The following METAP1 variants were observed in gnomAD, a reference collection of about 807,000 sequenced individuals.
The protein encoded by METAP1 is methionyl aminopeptidase 1.
In METAP1, 28 loss-of-function variants were observed where a neutral mutation model predicts 53.8. The observed-to-expected ratio is 0.52, with a 90% CI of 0.39 to 0.71. The LOEUF is 0.71. Ranked by LOEUF, METAP1 falls within the 30% of genes least tolerant of loss-of-function variation. The pLI is 0.00. For synonymous variants in METAP1, 181 were observed against 165.7 expected, an observed-to-expected ratio of 1.09 and a Z score of -0.71; for missense variants, 389 against 479.8, an observed-to-expected ratio of 0.81 and a Z score of 1.77.
intron 8 of METAP1, among the ~76,000 whole-genome samples, chr4:99,047,415 C>T (rs1726348461): frequency 6.6e-6 from 1 of 152,192 alleles, no homozygotes; most frequent in Non-Finnish European, 1.5e-5. Flanking sequence ...CTCTGTCACT[C>T]TTTCTATGCA....
intron 1 of METAP1, chr4:99,022,337 C>T: frequency 1.2e-6 from 1 of 844,486 alleles, no homozygotes; most frequent in Non-Finnish European, 1.7e-6. Flanking sequence ...AGGGAAGATC[C>T]CTCCATGCTC....
At chr4:99,013,555 C>G (rs553746045) in intron 1 of METAP1, among the ~76,000 whole-genome samples, 1 of 152,212 alleles carries the variant, frequency 6.6e-6, no homozygotes, top group Non-Finnish European at 1.5e-5. Context: ...GCACACCAAA[C>G]AAAGGAGACG....
intron 1 of METAP1, among the ~76,000 whole-genome samples, chr4:99,015,971 G>A (rs752611074): frequency 3.1e-4 from 47 of 152,108 alleles, no homozygotes; most frequent in Non-Finnish European, 6.3e-4. Context: ...AGTGTGATGG[G>A]TCCACCCCTT....
At chr4:99,021,597 G>T (rs1162836959) in intron 1 of METAP1, among the ~76,000 whole-genome samples, 4 of 151,676 alleles carry the variant, frequency 2.6e-5, no homozygotes, top group Admixed American at 2.6e-4. Context: ...TGCAGAAAGG[G>T]TACACTCACC....
At position 99,022,953 on chromosome 4, in the gene METAP1, T is replaced by C. The variant is rs1043961225; in HGVS notation, c.115-5914T>C. 183 of 1,487,938 alleles carry C rather than the reference T, an allele frequency of 1.2e-4. 2 individuals are homozygous for C. The East Asian group carries it at 4.4e-3, about 35-fold the overall frequency. 92.2% of individuals were successfully genotyped at this position (1,487,938 alleles called of 1,614,324 possible). On this transcript the variant is annotated intron_variant, in intron 1 of 10. Transcript: ENST00000296411. ...AGGCACTGAGAAGGTTGCGGACATG[T>C]AGGGGCTGGAAGTGTGGTGGGATAT... is the stretch of plus-strand genomic sequence containing the variant.
intron 1 of METAP1, chr4:99,022,427 G>A: frequency 1.5e-6 from 1 of 658,622 alleles, no homozygotes; most frequent in East Asian, 2.8e-5. Flanking sequence ...GTTGCCAGGT[G>A]AGCCCATTCA....
At chr4:99,040,121 C>T (rs1725752853) in intron 5 of METAP1, among the ~76,000 whole-genome samples, 1 of 152,162 alleles carries the variant, frequency 6.6e-6, no homozygotes, top group Non-Finnish European at 1.5e-5. Flanking sequence ...GGTGGATAGT[C>T]TATATTTAGA....
chr4:99,056,864 C>T (rs758624079), intron 9 of METAP1, among the ~76,000 whole-genome samples: 5 of 148,398 alleles, frequency 3.4e-5, no homozygotes, highest in East Asian at 2.0e-4. Flanking sequence ...CCACTGCGCC[C>T]GGCCTTGTTT....
At chr4:99,023,381 A>G in intron 1 of METAP1, 3 of 868,766 alleles carry the variant, frequency 3.5e-6, no homozygotes, top group South Asian at 9.3e-5. Context: ...GTCTTTGCAT[A>G]TGTGTTTATA....
At chr4:99,056,768 A>G (rs1271605053) in intron 9 of METAP1, among the ~76,000 whole-genome samples, 6 of 151,946 alleles carry the variant, frequency 3.9e-5, no homozygotes, top group South Asian at 2.1e-4. Flanking sequence ...ACAGGGTTTC[A>G]CCATGTTGGC....
intron 4 of METAP1, among the ~76,000 whole-genome samples, chr4:99,036,823 A>G (rs1725456246): frequency 1.3e-5 from 2 of 152,002 alleles, no homozygotes; most frequent in South Asian, 2.1e-4. Context: ...ATCTTTGTCC[A>G]TGTGTCAAAG....
intron 1 of METAP1, chr4:99,025,224 G>A: frequency 3.0e-6 from 1 of 329,786 alleles, no homozygotes; most frequent in Non-Finnish European, 4.3e-6. Context: ...CCCAAAGTTA[G>A]TTTGGCCTGT....
At chr4:99,049,260 T>G (rs1390498354) in intron 9 of METAP1, among the ~76,000 whole-genome samples, 3 of 152,174 alleles carry the variant, frequency 2.0e-5, no homozygotes, top group Non-Finnish European at 4.4e-5. Flanking sequence ...TAAATCAAAT[T>G]TATTTTCCAT....
chr4:99,040,880 T>A (rs1725808871), intron 5 of METAP1, among the ~76,000 whole-genome samples, 163 bp from the exon 6 acceptor site: 1 of 151,190 alleles, frequency 6.6e-6, no homozygotes, highest in South Asian at 2.1e-4. Context: ...AATTAATGTT[T>A]GTTTTTATGT....
At chr4:99,011,710 G>A (rs1379037833) in intron 1 of METAP1, among the ~76,000 whole-genome samples, 3 of 152,174 alleles carry the variant, frequency 2.0e-5, no homozygotes, top group East Asian at 3.8e-4. Context: ...GGAGGCTGAG[G>A]CAGGCGGATC....
intron 8 of METAP1, 139 bp from the exon 9 acceptor site, chr4:99,048,594 T>C (rs529489658): frequency 1.1e-6 from 1 of 898,046 alleles, no homozygotes; most frequent in Admixed American, 2.7e-5. Flanking sequence ...GGTCTTGAAC[T>C]CCTGAGCTCA....
At chr4:98,995,984 G>GCCGCGTTTCCTCCTCCCCCCAC in intron 1 of METAP1, 117 bp downstream of exon 1, 1 of 822,992 alleles carries the variant, frequency 1.2e-6, no homozygotes, top group South Asian at 1.5e-5. Flanking sequence ...CTTCCCCCCG[G>GCCGCGTTTCCTCCTCCCCCCAC]CCGCGTTTCC....
In METAP1 at chr4:99,048,789, G is replaced by A; in HGVS notation, c.844G>A (p.Ala282Thr). 7 of 1,613,956 alleles carry A rather than the reference G, an allele frequency of 4.3e-6. No individual in the cohort carries two copies. Among genetic ancestry groups the A allele is most frequent in the African/African-American group, 1.3e-5 (1 of 75,054 alleles). ...AAACATTATCCAGAAGCATGCCCAA[G>A]CAAATGGGTTTTCAGTTGTTCGAAG... ...LGNIIQKHAQ[A>T]NGFSVVRSYC... The change falls in exon 9 of 11, where the codon GCA (alanine) becomes ACA (threonine). Residue 282 changes from alanine to threonine, a missense_variant. Coordinates refer to ENST00000296411, the MANE Select transcript of METAP1 (RefSeq NM_015143.3).
At chr4:99,007,632 T>C (rs765076527) in intron 1 of METAP1, among the ~76,000 whole-genome samples, 1 of 152,160 alleles carries the variant, frequency 6.6e-6, no homozygotes, top group Non-Finnish European at 1.5e-5. Context: ...CCACCATTCC[T>C]ACCAAGAAGA....
Sources: allele counts gnomAD v4.1 joint callset (sites outside exome capture counted in the v4.1 genomes callset), GRCh38; gene constraint gnomAD v4.1.1; transcripts MANE v1.5; gene names NCBI Gene and HGNC (gene_info 2026-07-23, HGNC 2026-07-21).